TNFAIP6: variants seen among roughly 807,000 people sequenced by gnomAD.
TNFAIP6 encodes the protein TNF alpha induced protein 6, also known as tumor necrosis factor-inducible gene 6 protein.
A neutral mutation model predicts 33.7 loss-of-function variants in TNFAIP6; 36 were observed. That is an observed-to-expected ratio of 1.07 (90% confidence interval 0.82 to 1.41). The LOEUF is 1.41. Ranked by LOEUF, TNFAIP6 falls within the 40% of genes most tolerant of loss-of-function variation. The pLI is 0.00. For missense variants in TNFAIP6, 273 were observed against 331.9 expected (o/e 0.82, Z 1.38); for synonymous variants, 113 against 112.8 (o/e 1.00, Z -0.01).
chr2:151,375,606 G>A (rs1051494440), intron 5 of TNFAIP6, among the ~76,000 whole-genome samples: 3 of 152,096 alleles, frequency 2.0e-5, no homozygotes, highest in South Asian at 4.1e-4. Flanking sequence ...CACTTGGGAG[G>A]CTGAGGCAGG....
In TNFAIP6 at chr2:151,370,082, A is replaced by G; in HGVS notation, c.457A>G (p.Asn153Asp). Reference protein sequence around the residue: ...KQIFKSPGFPNEYEDNQICYW... With the variant: ...KQIFKSPGFPDEYEDNQICYW... ...AATTTTTAAATCTCCAGGCTTCCCA[A>G]ATGAGTACGAAGATAACCAAATCTG... Residue 153 changes from asparagine to aspartate, a missense_variant, in exon 4 of 6, where the codon AAT (asparagine) becomes GAT (aspartate). Transcript: ENST00000243347. 1 of 1,614,096 alleles carries G rather than the reference A, an allele frequency of 6.2e-7. No homozygotes were observed. Among genetic ancestry groups the G allele is most frequent in the Non-Finnish European group, 8.5e-7 (1 of 1,180,018 alleles).
At chr2:151,369,220 T>G (rs1342149426) in intron 3 of TNFAIP6, among the ~76,000 whole-genome samples, 1 of 152,118 alleles carries the variant, frequency 6.6e-6, no homozygotes, top group Non-Finnish European at 1.5e-5. Context: ...AATAGGCGTG[T>G]GCACAAAAGA....
intron 1 of TNFAIP6, among the ~76,000 whole-genome samples, chr2:151,362,804 T>C (rs1038491093): frequency 1.3e-5 from 2 of 152,180 alleles, no homozygotes; most frequent in South Asian, 4.1e-4. Context: ...TTCTTAATTA[T>C]ATTGCATTAG....
At chr2:151,373,524 C>G (rs2152017637) in intron 4 of TNFAIP6, 25 bp from the exon 5 acceptor site, 1 of 1,486,696 alleles carries the variant, frequency 6.7e-7, no homozygotes, top group Non-Finnish European at 9.1e-7. Flanking sequence ...TGTGTGACAT[C>G]TCTTTTCTAA....
chr2:151,375,301 CAG>C (rs1451128084), intron 5 of TNFAIP6, among the ~76,000 whole-genome samples: 1 of 147,782 alleles, frequency 6.8e-6, no homozygotes, highest in Non-Finnish European at 1.5e-5. Context: ...AATCAAGAAA[CAG>C]AAAAGAATAT....
chr2:151,359,486 T>C (rs1256622118), intron 1 of TNFAIP6, among the ~76,000 whole-genome samples: 1 of 151,602 alleles, frequency 6.6e-6, no homozygotes, highest in Non-Finnish European at 1.5e-5. Context: ...CCTCCCAGGT[T>C]CACGCCATTC....
At chr2:151,359,123 T>C (rs1286308016) in intron 1 of TNFAIP6, among the ~76,000 whole-genome samples, 2 of 152,190 alleles carry the variant, frequency 1.3e-5, no homozygotes, top group African/African-American at 4.8e-5. Flanking sequence ...TCTATTAATG[T>C]ATGCTACAAA....
At chr2:151,369,048 C>A (rs1489133493) in intron 3 of TNFAIP6, among the ~76,000 whole-genome samples, 1 of 152,134 alleles carries the variant, frequency 6.6e-6, no homozygotes, top group Non-Finnish European at 1.5e-5. Flanking sequence ...CAAAAATTAG[C>A]CAGACGTGGT....
chr2:151,365,308 A>C (rs1311458815), intron 2 of TNFAIP6, among the ~76,000 whole-genome samples: 1 of 152,060 alleles, frequency 6.6e-6, no homozygotes, highest in Non-Finnish European at 1.5e-5. Flanking sequence ...ATGCCACTGC[A>C]CTCTAGCCTG....
At chr2:151,361,132 G>A (rs1434785459) in intron 1 of TNFAIP6, among the ~76,000 whole-genome samples, 1 of 152,000 alleles carries the variant, frequency 6.6e-6, no homozygotes, top group Non-Finnish European at 1.5e-5. Flanking sequence ...CTGGGGTGTT[G>A]TGGCATGATC....
chr2:151,380,743 A>G (rs1232037048), downstream of TNFAIP6, among the ~76,000 whole-genome samples: 1 of 152,138 alleles, frequency 6.6e-6, no homozygotes, highest in African/African-American at 2.4e-5. Flanking sequence ...GGGTTTGGCT[A>G]TTATCTCTCT....
intron 1 of TNFAIP6, among the ~76,000 whole-genome samples, chr2:151,362,780 A>G (rs1225123770): frequency 1.5e-4 from 23 of 151,900 alleles, no homozygotes; most frequent in Middle Eastern, 3.4e-3. Flanking sequence ...GTGAGCCACC[A>G]CGCCCGGCCT....
chr2:151,375,723 C>T (rs749928223), intron 5 of TNFAIP6, among the ~76,000 whole-genome samples: 1 of 151,666 alleles, frequency 6.6e-6, no homozygotes, highest in Non-Finnish European at 1.5e-5. Context: ...AAAAAAAAAT[C>T]CTATCAAGCA....
At chr2:151,361,114 C>T (rs372476847) in intron 1 of TNFAIP6, among the ~76,000 whole-genome samples, 7 of 152,034 alleles carry the variant, frequency 4.6e-5, no homozygotes, top group South Asian at 4.1e-4. Flanking sequence ...CTCACTCTGT[C>T]GCCCAGGCTG....
At chr2:151,377,992 C>T (rs900846194) in intron 5 of TNFAIP6, among the ~76,000 whole-genome samples, 2 of 152,098 alleles carry the variant, frequency 1.3e-5, no homozygotes, top group South Asian at 2.1e-4. Context: ...TAAAAAGTAT[C>T]CCCCTCACCT....
chr2:151,380,227 T>G (rs1684990758), downstream of TNFAIP6, among the ~76,000 whole-genome samples: 1 of 152,168 alleles, frequency 6.6e-6, no homozygotes, highest in South Asian at 2.1e-4. Context: ...TTAATTTTTT[T>G]TGTGAATTAT....
intron 4 of TNFAIP6, among the ~76,000 whole-genome samples, chr2:151,370,975 G>C (rs1417043523): frequency 2.0e-5 from 3 of 152,010 alleles, no homozygotes; most frequent in African/African-American, 7.3e-5. Context: ...GGAGGCTGAG[G>C]CAGGAGAATC....
chr2:151,358,062 G>T (rs1431820497), intron 1 of TNFAIP6, among the ~76,000 whole-genome samples: 2 of 152,102 alleles, frequency 1.3e-5, no homozygotes, highest in African/African-American at 4.8e-5. Flanking sequence ...GTACAGTGAG[G>T]AGTATTTCTT....
At chr2:151,378,890 G>T (rs1684966066) in intron 5 of TNFAIP6, among the ~76,000 whole-genome samples, 2 of 151,794 alleles carry the variant, frequency 1.3e-5, no homozygotes, top group Admixed American at 1.3e-4. Flanking sequence ...CTGAGGTCGG[G>T]AGTTTGAGAC....
Sources: allele counts gnomAD v4.1 joint callset (sites outside exome capture counted in the v4.1 genomes callset), GRCh38; gene constraint gnomAD v4.1.1; transcripts MANE v1.5; gene names NCBI Gene and HGNC (gene_info 2026-07-23, HGNC 2026-07-21).